Variants in PPM1E observed in about 807,000 individuals in gnomAD.
PPM1E encodes the protein protein phosphatase, Mg2+/Mn2+ dependent 1E, also known as protein phosphatase 1E.
PPM1E carries 20 observed loss-of-function variants against 65.9 expected under a neutral mutation model. The observed-to-expected ratio is 0.30, with a 90% confidence interval of 0.21 to 0.44. The LOEUF is 0.44. Among genes scored for constraint, PPM1E ranks in the 20% least tolerant of loss-of-function variants. The pLI is 1.00. For missense variants in PPM1E, 713 were observed against 953.1 expected (o/e 0.75, Z 3.32); for synonymous variants, 352 against 374.9 (o/e 0.94, Z 0.70).
intron 1 of PPM1E, among the ~76,000 whole-genome samples, chr17:58,850,685 C>A (rs1363705828): frequency 2.6e-5 from 4 of 152,192 alleles, no homozygotes; most frequent in Non-Finnish European, 5.9e-5. Context: ...AGTAACCCAA[C>A]CTTTCTCTCT....
intron 1 of PPM1E, among the ~76,000 whole-genome samples, chr17:58,942,092 C>T (rs2052079946): frequency 6.7e-6 from 1 of 150,320 alleles, no homozygotes; most frequent in Non-Finnish European, 1.5e-5. Flanking sequence ...TTGAAAAATA[C>T]TGATGAATAA....
In PPM1E at chr17:58,982,358, T is replaced by G. The variant is rs1182314968; in HGVS notation, c.*1327T>G. 1 of 152,312 alleles carries G rather than the reference T, an allele frequency of 6.6e-6. No homozygotes were observed. Among genetic ancestry groups the G allele is most frequent in the Non-Finnish European group, 1.5e-5 (1 of 68,096 alleles). The allele number at this position is 152,312 out of a possible 1,614,324, so 9.4% of individuals were successfully genotyped here. On this transcript the variant is annotated 3_prime_UTR_variant, in exon 7 of 7. Transcript: ENST00000308249. ...GATTCATTCATTCAGTGAAGCAGCC[T>G]CTGATTCTCTAAGAGTCACGAATGT...
chr17:58,848,820 A>T (rs997990964), intron 1 of PPM1E, among the ~76,000 whole-genome samples: 1 of 152,166 alleles, frequency 6.6e-6, no homozygotes, highest in African/African-American at 2.4e-5. Flanking sequence ...CTCTTTTTCT[A>T]TTGATTGGAA....
intron 1 of PPM1E, among the ~76,000 whole-genome samples, chr17:58,847,496 C>T (rs1478946268): frequency 2.0e-5 from 3 of 152,150 alleles, no homozygotes; most frequent in Non-Finnish European, 4.4e-5. Context: ...TATGGCTAGC[C>T]AGTTTTCCCA....
At chr17:58,922,220 C>T (rs1327617136) in intron 1 of PPM1E, among the ~76,000 whole-genome samples, 2 of 150,144 alleles carry the variant, frequency 1.3e-5, no homozygotes, top group African/African-American at 4.9e-5. Flanking sequence ...ACTAAAGGCT[C>T]ATTTAACGTT....
intron 1 of PPM1E, among the ~76,000 whole-genome samples, chr17:58,839,303 C>T (rs1000974915): frequency 6.6e-6 from 1 of 151,714 alleles, no homozygotes; most frequent in African/African-American, 2.4e-5. Context: ...AGTCCAGCAA[C>T]ATGGCAAGAC....
intron 1 of PPM1E, among the ~76,000 whole-genome samples, chr17:58,814,897 G>A (rs1033304944): frequency 6.6e-6 from 1 of 152,340 alleles, no homozygotes; most frequent in Admixed American, 6.5e-5. Context: ...AGGCCAGGAT[G>A]TGAATGGTGA....
At chr17:58,843,673 A>G (rs958795961) in intron 1 of PPM1E, among the ~76,000 whole-genome samples, 1 of 151,878 alleles carries the variant, frequency 6.6e-6, no homozygotes, top group African/African-American at 2.4e-5. Flanking sequence ...ATATATATGT[A>G]TGCAAAAATT....
At chr17:58,907,887 G>A (rs2051577325) in intron 1 of PPM1E, among the ~76,000 whole-genome samples, 1 of 151,776 alleles carries the variant, frequency 6.6e-6, no homozygotes, top group Admixed American at 6.6e-5. Context: ...ATTTAAAGTG[G>A]ATTTCTTGTA....
intron 1 of PPM1E, among the ~76,000 whole-genome samples, chr17:58,837,320 A>AACACACACACACACAC (rs371754222): frequency 8.3e-6 from 1 of 120,242 alleles, no homozygotes; most frequent in Non-Finnish European, 1.7e-5. Flanking sequence ...GAATGAGAAT[A>AACACACACACACACAC]ACACACACAC....
chr17:58,843,217 G>A (rs1322834343), intron 1 of PPM1E, among the ~76,000 whole-genome samples: 4 of 150,954 alleles, frequency 2.6e-5, no homozygotes, highest in Admixed American at 6.6e-5. Context: ...CCTGGGAGGC[G>A]TGAACCTGGG....
At chr17:58,822,825 T>C (rs2143142767) in intron 1 of PPM1E, among the ~76,000 whole-genome samples, 1 of 152,336 alleles carries the variant, frequency 6.6e-6, no homozygotes, top group Non-Finnish European at 1.5e-5. Flanking sequence ...ATCAGTCAGG[T>C]CTTACCGTAC....
intron 1 of PPM1E, among the ~76,000 whole-genome samples, chr17:58,828,047 C>T (rs772825334): frequency 6.7e-6 from 1 of 149,300 alleles, no homozygotes; most frequent in Admixed American, 6.7e-5. Flanking sequence ...GGTGAAACCC[C>T]GTGTCTACTA....
rs114615911 is a variant in PPM1E, at chr17:58,869,762, T to G, written c.465-85887T>G. ...TGTATTTTGTTCCAATCAACCACTT[T>G]TTGAAAAACTAAGGGGATAGCATCT... On this transcript the variant is annotated intron_variant, in intron 1 of 6. Transcript: ENST00000308249. Among the ~76,000 whole-genome samples, 1,423 of 152,306 alleles carry G rather than the reference T, an allele frequency of 9.3e-3. 19 individuals carry two copies. The highest frequency in any genetic ancestry group is 0.032 in the African/African-American group (1,333 of 41,562).
chr17:58,813,864 T>C (rs2050392252), intron 1 of PPM1E, among the ~76,000 whole-genome samples: 1 of 152,066 alleles, frequency 6.6e-6, no homozygotes, highest in South Asian at 2.1e-4. Context: ...GAGCAACAGA[T>C]TGGAACACAG....
intron 1 of PPM1E, among the ~76,000 whole-genome samples, chr17:58,834,658 T>G (rs1329722153): frequency 6.6e-6 from 1 of 152,222 alleles, no homozygotes; most frequent in African/African-American, 2.4e-5. Flanking sequence ...CTATCCTTGC[T>G]TCATTAAATT....
At position 58,879,501 on chromosome 17, in the gene PPM1E, CTTTTTTTTTTT is replaced by C. The variant is rs71367639; in HGVS notation, c.465-76132_465-76122del. Among the ~76,000 whole-genome samples, 71 of 88,806 alleles carry C rather than the reference CTTTTTTTTTTT, an allele frequency of 8.0e-4. 1 individual carries two copies. The highest frequency in any genetic ancestry group is 1.2e-3 in the Non-Finnish European group (58 of 47,022). The allele number at this position is 88,806 out of a possible 152,430, so 58.3% of individuals were successfully genotyped here. On this transcript the variant is annotated intron_variant, in intron 1 of 6. Transcript: ENST00000308249. ...AAAAAAGATTAGGTGCTGAGATTAA[CTTTTTTTTTTT>C]TTTTTTTTTTTTTTTGAGACAGAGT...
At position 58,825,800 on chromosome 17, in the gene PPM1E, C is replaced by T. The variant is rs545215648; in HGVS notation, c.464+69339C>T. On this transcript the variant is annotated intron_variant, in intron 1 of 6. Transcript: ENST00000308249. Reference sequence around the variant, plus strand: ...GGCCAGGCTGGTCTCAAACTCCTGACCTCAAGTGATCCACCCACCATGGCC... The same window carrying T: ...GGCCAGGCTGGTCTCAAACTCCTGATCTCAAGTGATCCACCCACCATGGCC... 2.6e-5 allele frequency among the ~76,000 whole-genome samples: 4 copies of T among 152,012 alleles called. No individual in the cohort carries two copies. The South Asian group carries it at 8.3e-4, about 32-fold the overall frequency.
At chr17:58,868,585 C>A (rs2051033351) in intron 1 of PPM1E, among the ~76,000 whole-genome samples, 2 of 89,848 alleles carry the variant, frequency 2.2e-5, no homozygotes, top group Non-Finnish European at 5.1e-5. Context: ...TTTTTTTTTG[C>A]AGTCATTGCA....
Sources: allele counts gnomAD v4.1 joint callset (sites outside exome capture counted in the v4.1 genomes callset), GRCh38; gene constraint gnomAD v4.1.1; transcripts MANE v1.5; gene names NCBI Gene and HGNC (gene_info 2026-07-23, HGNC 2026-07-21).